The following ENTREP2 variants were observed in gnomAD, a reference collection of about 807,000 sequenced individuals.
ENTREP2 encodes the protein protein ENTREP2.
the ENTREP2 span, among the ~76,000 whole-genome samples, chr15:29,321,767 T>C: frequency 6.6e-6 from 1 of 152,058 alleles, no homozygotes. Flanking sequence ...AAGTAGTTCT[T>C]TGCAATGAGA....
chr15:29,469,018 G>A, the ENTREP2 span, among the ~76,000 whole-genome samples: 22 of 152,214 alleles, frequency 1.4e-4, no homozygotes, highest in East Asian at 3.9e-3. Context: ...CTAGGGCTCC[G>A]GCTTAGGATA....
At chr15:29,481,313 G>A in the ENTREP2 span, among the ~76,000 whole-genome samples, 1 of 152,170 alleles carries the variant, frequency 6.6e-6, no homozygotes, top group Non-Finnish European at 1.5e-5. Flanking sequence ...GGTGGGGCCT[G>A]AGACCCTGCA....
chr15:29,257,878 G>A, the ENTREP2 span, among the ~76,000 whole-genome samples: 1 of 152,158 alleles, frequency 6.6e-6, no homozygotes, highest in Non-Finnish European at 1.5e-5. Context: ...AATAACTGCA[G>A]AGTCTGACAG....
chr15:29,483,866 G>T, the ENTREP2 span, among the ~76,000 whole-genome samples: 1 of 152,136 alleles, frequency 6.6e-6, no homozygotes, highest in Non-Finnish European at 1.5e-5. Context: ...CAAAATGATT[G>T]ATTTTATTAG....
the ENTREP2 span, among the ~76,000 whole-genome samples, chr15:29,404,251 T>G: frequency 7.9e-5 from 12 of 152,006 alleles, no homozygotes; most frequent in South Asian, 4.2e-4. Flanking sequence ...TCATCACCTA[T>G]GTCCATCCCT....
chr15:29,472,428 A>ACCACAC, the ENTREP2 span, among the ~76,000 whole-genome samples: 1 of 140,622 alleles, frequency 7.1e-6, no homozygotes, highest in East Asian at 2.1e-4. Flanking sequence ...CACAACACAC[A>ACCACAC]ACACACACAC....
At chr15:29,278,668 G>A in the ENTREP2 span, among the ~76,000 whole-genome samples, 1 of 152,258 alleles carries the variant, frequency 6.6e-6, no homozygotes, top group East Asian at 1.9e-4. Context: ...CCAACAACAT[G>A]ACTCACAGAG....
At chr15:29,657,483 C>CGGGGTG in the ENTREP2 span, among the ~76,000 whole-genome samples, 1 of 69,382 alleles carries the variant, frequency 1.4e-5, no homozygotes, top group African/African-American at 6.0e-5. Context: ...GCTGGGGGGG[C>CGGGGTG]GGGGGGGGGG....
chr15:29,223,690 G>C, the ENTREP2 span, among the ~76,000 whole-genome samples: 1 of 152,220 alleles, frequency 6.6e-6, no homozygotes, highest in African/African-American at 2.4e-5. Flanking sequence ...TAGAACTCCT[G>C]TAGTGGCGCT....
the ENTREP2 span, among the ~76,000 whole-genome samples, chr15:29,559,372 C>G: frequency 6.6e-6 from 1 of 152,084 alleles, no homozygotes; most frequent in Non-Finnish European, 1.5e-5. Context: ...ATCTTTGGAC[C>G]ACCAGCAGGT....
At chr15:29,134,195 CA>C in the ENTREP2 span, among the ~76,000 whole-genome samples, 2 of 152,174 alleles carry the variant, frequency 1.3e-5, no homozygotes, top group African/African-American at 4.8e-5. Context: ...GAAAACTAAA[CA>C]ACATTGGGAA....
the ENTREP2 span, among the ~76,000 whole-genome samples, chr15:29,629,047 G>A: frequency 6.6e-6 from 1 of 152,126 alleles, no homozygotes; most frequent in East Asian, 1.9e-4. Context: ...ACTATGCCCG[G>A]CCAGGTTGCA....
At chr15:29,209,518 CAAAT>C in the ENTREP2 span, among the ~76,000 whole-genome samples, 1 of 152,056 alleles carries the variant, frequency 6.6e-6, no homozygotes, top group East Asian at 1.9e-4. Flanking sequence ...AAAACAAAAA[CAAAT>C]AAAAAATACA....
the ENTREP2 span, among the ~76,000 whole-genome samples, chr15:29,657,155 C>T: frequency 2.0e-5 from 3 of 152,162 alleles, no homozygotes; most frequent in East Asian, 1.9e-4. Flanking sequence ...TCCGGCCATT[C>T]TCCTGCCTCC....
At chr15:29,172,104 A>G in the ENTREP2 span, among the ~76,000 whole-genome samples, 6 of 152,182 alleles carry the variant, frequency 3.9e-5, no homozygotes, top group Non-Finnish European at 7.3e-5. Context: ...TTGCTTAGGA[A>G]TTGGAAGCCA....
the ENTREP2 span, among the ~76,000 whole-genome samples, chr15:29,523,867 T>C: frequency 6.6e-6 from 1 of 152,010 alleles, no homozygotes; most frequent in African/African-American, 2.4e-5. Context: ...TTGTCTCATA[T>C]CATATACAAA....
the ENTREP2 span, among the ~76,000 whole-genome samples, chr15:29,588,355 C>T: frequency 6.6e-6 from 1 of 152,160 alleles, no homozygotes; most frequent in Non-Finnish European, 1.5e-5. Context: ...GTAATCCCAG[C>T]TACCCAGGAG....
At chr15:29,579,686 ATTTTTTTTTTTTTTTTTTTTTTTTTTT>A in the ENTREP2 span, among the ~76,000 whole-genome samples, 6 of 55,822 alleles carry the variant, frequency 1.1e-4, no homozygotes, top group South Asian at 2.1e-3. Flanking sequence ...CACCCAGCTA[ATTTTTTTTTTTTTTTTTTTTTTTTTTT>A]TTTTTTTTTT....
chr15:29,215,580 ATATAT>A, the ENTREP2 span, among the ~76,000 whole-genome samples: 3 of 129,042 alleles, frequency 2.3e-5, no homozygotes, highest in Non-Finnish European at 4.5e-5. Flanking sequence ...TATATATAAT[ATATAT>A]ATATATATAT....
Sources: allele counts gnomAD v4.1 joint callset (sites outside exome capture counted in the v4.1 genomes callset), GRCh38; gene constraint gnomAD v4.1.1; transcripts MANE v1.5; gene names NCBI Gene and HGNC (gene_info 2026-07-23, HGNC 2026-07-21).